BCL2L13: variants seen among roughly 807,000 people sequenced by gnomAD.
The protein encoded by BCL2L13 is BCL2 like 13.
In BCL2L13, 13 loss-of-function variants were observed where a neutral mutation model predicts 25.8. The ratio of observed to expected loss-of-function variants is 0.50; its 90% confidence interval spans 0.33 to 0.80. BCL2L13 has a LOEUF of 0.80. BCL2L13 is among the 30% of genes least tolerant of loss of function. The pLI is 0.02. For synonymous variants in BCL2L13, 244 were observed against 230.3 expected, an observed-to-expected ratio of 1.06 and a Z score of -0.54; for missense variants, 504 against 574.9, an observed-to-expected ratio of 0.88 and a Z score of 1.26.
At chr22:17,644,984 T>A (rs2058423587) in intron 1 of BCL2L13, among the ~76,000 whole-genome samples, 1 of 145,614 alleles carries the variant, frequency 6.9e-6, no homozygotes, top group African/African-American at 2.6e-5. Context: ...TAATTTTTTG[T>A]ATTTTTAGTA....
In BCL2L13 at chr22:17,727,000, G is replaced by A; in HGVS notation, c.924G>A (p.Val308=). 1.9e-6 allele frequency: 3 copies of A among 1,614,188 alleles called. No individual in the cohort carries two copies. The highest frequency in any genetic ancestry group is 3.3e-5 in the Admixed American group (2 of 60,020). The change falls in exon 7 of 7, where the codon GTG becomes GTA. Residue 308 remains valine, a synonymous_variant. Transcript: ENST00000317582. ...SENNSSNSDI[V]HVEKEEVPEG... ...ACAACTCCTCTAATTCTGACATTGT[G>A]CACGTGGAGAAAGAAGAGGTGCCCG... is the stretch of plus-strand genomic sequence containing the variant.
intron 2 of BCL2L13, among the ~76,000 whole-genome samples, chr22:17,673,678 T>TA: frequency 6.6e-6 from 1 of 152,170 alleles, no homozygotes; most frequent in African/African-American, 2.4e-5. Context: ...CGCCCGGCCT[T>TA]ATTTCTTTTA....
chr22:17,663,020 AC>A (rs2059122149), intron 2 of BCL2L13, among the ~76,000 whole-genome samples: 1 of 151,954 alleles, frequency 6.6e-6, no homozygotes, highest in Admixed American at 6.6e-5. Context: ...ACAGGTGCGC[AC>A]CACCATGCCC....
At chr22:17,647,850 C>T (rs1319336744) in intron 1 of BCL2L13, among the ~76,000 whole-genome samples, 2 of 152,136 alleles carry the variant, frequency 1.3e-5, no homozygotes, top group African/African-American at 2.4e-5. Flanking sequence ...AAAGTCCCTC[C>T]GGGCGCAGTG....
chr22:17,678,231 G>T (rs1012511518), intron 2 of BCL2L13, among the ~76,000 whole-genome samples: 2 of 151,926 alleles, frequency 1.3e-5, no homozygotes, highest in African/African-American at 4.8e-5. Context: ...GCTATGTTGC[G>T]CAGGCTGTTC....
intron 2 of BCL2L13, among the ~76,000 whole-genome samples, chr22:17,669,213 T>C (rs2059340149): frequency 6.6e-6 from 1 of 151,984 alleles, no homozygotes; most frequent in East Asian, 1.9e-4. Context: ...TTTGTATTTT[T>C]AGTAGAGACG....
chr22:17,656,705 C>A (rs958699905), intron 2 of BCL2L13, among the ~76,000 whole-genome samples: 1 of 151,998 alleles, frequency 6.6e-6, no homozygotes, highest in African/African-American at 2.4e-5. Context: ...TTGGCAGTTA[C>A]ATTTTTTCGA....
intron 3 of BCL2L13, among the ~76,000 whole-genome samples, chr22:17,686,604 G>A (rs890930246): frequency 7.3e-5 from 11 of 149,822 alleles, no homozygotes; most frequent in African/African-American, 2.7e-4. Flanking sequence ...TCCGCCTCCC[G>A]AGTTTAAGTG....
At chr22:17,716,821 A>G (rs965725824) in intron 6 of BCL2L13, among the ~76,000 whole-genome samples, 2 of 152,260 alleles carry the variant, frequency 1.3e-5, no homozygotes, top group South Asian at 2.1e-4. Flanking sequence ...TTTCTCCTCT[A>G]AGTAATTGAT....
chr22:17,653,753 C>T (rs535814281), intron 1 of BCL2L13, among the ~76,000 whole-genome samples: 2 of 152,156 alleles, frequency 1.3e-5, no homozygotes, highest in South Asian at 4.1e-4. Flanking sequence ...ATCCTCCTCC[C>T]TTGTCCTTCC....
chr22:17,726,869 G>C lies in BCL2L13; in HGVS notation c.793G>C (p.Glu265Gln), dbSNP rs146700535. 2.1e-5 allele frequency: 34 copies of C among 1,613,976 alleles called. No homozygotes were observed. The African/African-American group carries it at 2.8e-4, about 13-fold the overall frequency. ...GTCAGCTAGCCAGAGTTGGCACACA[G>C]AAAGCCTGCCAGTGTCACTAGGCCC... ...SLSASQSWHT[E>Q]SLPVSLGPES... Residue 265 changes from glutamate (E) to glutamine (Q), a missense_variant, in exon 7 of 7, where the codon GAA (glutamate) becomes CAA (glutamine). Transcript: ENST00000317582.
rs755028782 is a variant in BCL2L13 at position 17,706,837 on chromosome 22, AT to A, written c.600+4455del. ...GCAAGTCCACTGTGGTAAGGCTTGT[AT>A]TTTACTTTCTCCGTCGTCACATGAT... is the stretch of plus-strand genomic sequence containing the variant. On this transcript the variant is annotated intron_variant, in intron 6 of 6. Coordinates refer to ENST00000317582, the MANE Select transcript of BCL2L13 (RefSeq NM_015367.4). 3.7e-6 allele frequency: 5 copies of A among 1,351,832 alleles called. No homozygotes were observed. The South Asian group carries it at 5.7e-5, about 15-fold the overall frequency. 83.7% of individuals were successfully genotyped at this position (1,351,832 alleles called of 1,614,324 possible).
chr22:17,650,212 G>C (rs2058637089), intron 1 of BCL2L13, among the ~76,000 whole-genome samples: 1 of 152,124 alleles, frequency 6.6e-6, no homozygotes, highest in African/African-American at 2.4e-5. Flanking sequence ...TACTACGTTT[G>C]ACACAGTTGT....
chr22:17,649,894 T>A (rs2146459281), intron 1 of BCL2L13, among the ~76,000 whole-genome samples: 1 of 128,008 alleles, frequency 7.8e-6, no homozygotes, highest in East Asian at 2.3e-4. Context: ...TTTTTTGAGA[T>A]GGAGCTTTGC....
intron 2 of BCL2L13, among the ~76,000 whole-genome samples, chr22:17,666,326 A>G (rs1601580336): frequency 2.6e-5 from 4 of 152,286 alleles, no homozygotes; most frequent in Admixed American, 2.0e-4. Context: ...GGAATGGGGT[A>G]TCCGTCCCCT....
chr22:17,663,357 T>C (rs2059131864), intron 2 of BCL2L13, among the ~76,000 whole-genome samples: 1 of 152,160 alleles, frequency 6.6e-6, no homozygotes, highest in Non-Finnish European at 1.5e-5. Flanking sequence ...AGTTGGTGTG[T>C]CCTACTTTTG....
intron 2 of BCL2L13, among the ~76,000 whole-genome samples, chr22:17,681,292 G>GC (rs1172970647): frequency 2.6e-5 from 4 of 152,002 alleles, no homozygotes; most frequent in African/African-American, 9.7e-5. Flanking sequence ...GGATCACGGG[G>GC]CCAGGAGATC....
chr22:17,702,189 A>G, intron 5 of BCL2L13, 54 bp from the exon 6 acceptor site: 1 of 1,405,736 alleles, frequency 7.1e-7, no homozygotes. Flanking sequence ...AACATATAAA[A>G]CACATTATAA....
At chr22:17,703,728 T>G (rs1258610974) in intron 6 of BCL2L13, 2 of 152,226 alleles carry the variant, frequency 1.3e-5, no homozygotes, top group African/African-American at 4.8e-5. Context: ...ACATTTGTCT[T>G]AGGAAAATAA....
Sources: allele counts gnomAD v4.1 joint callset (sites outside exome capture counted in the v4.1 genomes callset), GRCh38; gene constraint gnomAD v4.1.1; transcripts MANE v1.5; gene names NCBI Gene and HGNC (gene_info 2026-07-23, HGNC 2026-07-21).